TLL2: variants seen among roughly 807,000 people sequenced by gnomAD.
TLL2 encodes the protein tolloid-like protein 2.
Under a neutral mutation model 123.0 loss-of-function variants are expected in TLL2, and 106 were observed. The observed-to-expected ratio is 0.86, with a 90% CI of 0.74 to 1.01. TLL2 has a LOEUF of 1.01. TLL2 is among the 50% of genes least tolerant of loss of function. The pLI is 0.00. For missense variants in TLL2, 1,332 were observed against 1,336.7 expected (o/e 1.00, Z 0.06); for synonymous variants, 494 against 516.8 (o/e 0.96, Z 0.60).
In TLL2 at chr10:96,457,777, G is replaced by A. The variant is rs1032637290; in HGVS notation, c.287-11609C>T. On this transcript the variant is annotated intron_variant, in intron 2 of 20. Transcript: ENST00000357947. ...GACAGCAGGGATCTGGGTGCACAGC[G>A]GGACACCAGTTAAATTCTTCCCAGA... Among the ~76,000 whole-genome samples the A allele has an allele frequency of 3.3e-5, 5 of 152,088 alleles. No individual in the cohort carries two copies. In the East Asian group the frequency reaches 7.7e-4, roughly 24 times the overall value.
chr10:96,401,488 C>T (rs937790034), intron 10 of TLL2, among the ~76,000 whole-genome samples: 1 of 143,616 alleles, frequency 7.0e-6, no homozygotes, highest in Non-Finnish European at 1.5e-5. Context: ...ATGACGGTTA[C>T]AGGCGCTGGC....
intron 6 of TLL2, 113 bp downstream of exon 6, chr10:96,422,436 T>G (rs1846633931): frequency 1.3e-5 from 16 of 1,237,650 alleles, no homozygotes; most frequent in Non-Finnish European, 1.7e-5. Flanking sequence ...TGCTCCATAT[T>G]CAGCAGTTAG....
rs56240059 is a variant in TLL2, at chr10:96,476,857, TACACACAC to T, written c.286+3484_286+3491del. On this transcript the variant is annotated intron_variant, in intron 2 of 20. Coordinates refer to ENST00000357947, the MANE Select transcript of TLL2 (RefSeq NM_012465.4). ...GTAAAATCCCTAATCCCTTTTATGTTACACACACACACACACACACACACACACACACA... is the reference window on the plus strand; with the variant it reads ...GTAAAATCCCTAATCCCTTTTATGTTACACACACACACACACACACACACA... 6.7e-3 allele frequency among the ~76,000 whole-genome samples: 789 copies of T among 117,290 alleles called. 4 individuals are homozygous for T. Among genetic ancestry groups the T allele is most frequent in the East Asian group, 0.015 (35 of 2,348 alleles). 76.9% of individuals were successfully genotyped at this position (117,290 alleles called of 152,430 possible).
rs1846871505 is a variant in TLL2 at position 96,443,855 on chromosome 10, G to A, written c.364+2236C>T. On this transcript the variant is annotated intron_variant, in intron 3 of 20. Coordinates refer to ENST00000357947, the MANE Select transcript of TLL2 (RefSeq NM_012465.4). Reference sequence around the variant, plus strand: ...CCTTAAATAAGCAAAGCAGAAAAACGCGGATCTGAAAGCAAGCCCTGCACA... The same window carrying A: ...CCTTAAATAAGCAAAGCAGAAAAACACGGATCTGAAAGCAAGCCCTGCACA... 3.9e-5 allele frequency among the ~76,000 whole-genome samples: 6 copies of A among 152,126 alleles called. No homozygotes were observed. The South Asian group carries it at 8.3e-4, about 21-fold the overall frequency.
intron 1 of TLL2, among the ~76,000 whole-genome samples, chr10:96,499,092 G>A (rs1179635645): frequency 6.6e-6 from 1 of 152,210 alleles, no homozygotes; most frequent in East Asian, 1.9e-4. Flanking sequence ...GGCTTTATCA[G>A]TAAAAGACAT....
rs1847566326 is a variant in TLL2, at chr10:96,505,021, A to ATAAC, written c.175+8489_175+8490insGTTA. 5.1e-5 allele frequency among the ~76,000 whole-genome samples: 6 copies of ATAAC among 117,366 alleles called. No homozygotes were observed. In the South Asian group the frequency reaches 1.5e-3, roughly 29 times the overall value. The allele number at this position is 117,366 out of a possible 152,430, so 77.0% of individuals were successfully genotyped here. A position where few individuals can be genotyped will look rare whatever the true frequency, so the allele number is the denominator to read the frequency against. On this transcript the variant is annotated intron_variant, in intron 1 of 20. Coordinates refer to ENST00000357947, the MANE Select transcript of TLL2 (RefSeq NM_012465.4). ...AGACTCCGTCTCAAAAAAATAAAAA[A>ATAAC]TAAATAAATAAATAAATAAATAAAT...
At chr10:96,398,300 T>C (rs116559722) in intron 10 of TLL2, among the ~76,000 whole-genome samples, 349 of 152,316 alleles carry the variant, frequency 2.3e-3, no homozygotes, top group African/African-American at 8.1e-3. Context: ...CCCAGTAGCC[T>C]GTATCTGGAT....
chr10:96,389,178 C>A (rs905837091), intron 13 of TLL2, among the ~76,000 whole-genome samples: 1 of 152,210 alleles, frequency 6.6e-6, no homozygotes, highest in African/African-American at 2.4e-5. Flanking sequence ...CGATCTTCCT[C>A]CAATAAATTG....
chr10:96,413,039 C>T (rs967598191), intron 8 of TLL2, among the ~76,000 whole-genome samples, 153 bp downstream of exon 8: 1 of 152,220 alleles, frequency 6.6e-6, no homozygotes, highest in African/African-American at 2.4e-5. Flanking sequence ...TTTCACCTTT[C>T]TATACTGCCT....
chr10:96,403,302 T>C (rs1589413262), intron 10 of TLL2, among the ~76,000 whole-genome samples: 1 of 152,182 alleles, frequency 6.6e-6, no homozygotes, highest in African/African-American at 2.4e-5. Flanking sequence ...ACTGTTACTG[T>C]GTCTATGTAG....
chr10:96,470,125 T>G (rs1318897629), intron 2 of TLL2, among the ~76,000 whole-genome samples: 1 of 152,194 alleles, frequency 6.6e-6, no homozygotes, highest in Admixed American at 6.5e-5. Flanking sequence ...CAAAGGGCCC[T>G]GTAAAGAGAA....
chr10:96,512,791 C>A (rs746972442), intron 1 of TLL2, among the ~76,000 whole-genome samples: 3 of 152,232 alleles, frequency 2.0e-5, no homozygotes, highest in Non-Finnish European at 4.4e-5. Flanking sequence ...TCAGGACTCA[C>A]GAGCCGATCA....
rs144788337 is a variant in TLL2, at chr10:96,365,375, T to C, written c.*2713A>G. The C allele has an allele frequency of 6.6e-6, 1 of 152,360 alleles. No homozygotes were observed. The highest frequency in any genetic ancestry group is 1.9e-4 in the East Asian group (1 of 5,190). The allele number at this position is 152,360 out of a possible 1,614,324, so 9.4% of individuals were successfully genotyped here. A position where few individuals can be genotyped will look rare whatever the true frequency, so the allele number is the denominator to read the frequency against. ...TCCACTGGCTAAAGTTAATTCCAGATTTTTTCCTGCCCTGCAATCCAGGCT... is the reference window on the plus strand; with the variant it reads ...TCCACTGGCTAAAGTTAATTCCAGACTTTTTCCTGCCCTGCAATCCAGGCT... On this transcript the variant is annotated 3_prime_UTR_variant, in exon 21 of 21. Transcript: ENST00000357947.
chr10:96,496,890 C>T (rs1847481756), intron 1 of TLL2, among the ~76,000 whole-genome samples: 1 of 152,144 alleles, frequency 6.6e-6, no homozygotes, highest in Admixed American at 6.5e-5. Flanking sequence ...GAAAGAGAGC[C>T]ACGATCAATT....
At chr10:96,487,056 A>G (rs1291051729) in intron 1 of TLL2, among the ~76,000 whole-genome samples, 1 of 152,190 alleles carries the variant, frequency 6.6e-6, no homozygotes, top group African/African-American at 2.4e-5. Flanking sequence ...CATTAAAAGC[A>G]TGTACTTTTA....
chr10:96,412,658 G>C (rs1302860971), intron 8 of TLL2, among the ~76,000 whole-genome samples: 3 of 152,154 alleles, frequency 2.0e-5, no homozygotes, highest in African/African-American at 7.2e-5. Flanking sequence ...CCAGCACCTA[G>C]GATGGCCAGG....
intron 11 of TLL2, among the ~76,000 whole-genome samples, chr10:96,396,459 A>G (rs1846342012): frequency 6.6e-6 from 1 of 152,158 alleles, no homozygotes; most frequent in Admixed American, 6.5e-5. Context: ...ACACATGCAC[A>G]TTACTTATTT....
intron 2 of TLL2, among the ~76,000 whole-genome samples, chr10:96,446,876 A>T (rs1846901379): frequency 6.6e-6 from 1 of 152,350 alleles, no homozygotes. Context: ...GGCACCATGG[A>T]TCCAGCAGTG....
chr10:96,376,870 C>A, intron 17 of TLL2, 51 bp from the exon 18 acceptor site: 1 of 1,472,640 alleles, frequency 6.8e-7, no homozygotes. Context: ...TCACTGTGGG[C>A]AGCACAAGAA....
Sources: allele counts gnomAD v4.1 joint callset (sites outside exome capture counted in the v4.1 genomes callset), GRCh38; gene constraint gnomAD v4.1.1; transcripts MANE v1.5; gene names NCBI Gene and HGNC (gene_info 2026-07-23, HGNC 2026-07-21).